Variants in SMC2 observed in about 807,000 individuals in gnomAD.
SMC2 encodes structural maintenance of chromosomes 2.
SMC2 carries 41 observed loss-of-function variants against 142.6 expected under a neutral mutation model. The ratio of observed to expected loss-of-function variants is 0.29; its 90% confidence interval spans 0.22 to 0.37. SMC2 has a LOEUF of 0.37. Among genes scored for constraint, SMC2 ranks in the 10% least tolerant of loss-of-function variants. SMC2 has a pLI of 1.00. For missense variants in SMC2, 1,265 were observed against 1,373.7 expected, an observed-to-expected ratio of 0.92 and a Z score of 1.25; for synonymous variants, 463 against 457.5, an observed-to-expected ratio of 1.01 and a Z score of -0.15.
intron 3 of SMC2, 114 bp downstream of exon 3, chr9:104,096,411 T>G: frequency 1.1e-6 from 1 of 907,348 alleles, no homozygotes; most frequent in Non-Finnish European, 1.7e-6. Context: ...AATTGGTGCC[T>G]TAAATTCTGA....
At chr9:104,090,463 G>GTTTGGGGAAGCGATAAAGAAGTTTGTTC (rs1446382716), upstream of SMC2, among the ~76,000 whole-genome samples, 1 of 152,020 alleles carries the variant, frequency 6.6e-6, no homozygotes, top group Non-Finnish European at 1.5e-5. Flanking sequence ...CAATCTACTA[G>GTTTGGGGAAGCGATAAAGAAGTTTGTTC]TTTGGGGAAG....
Position 104,118,386 on chromosome 9 carries a change from T to C in SMC2, c.1996+11T>C. Reference sequence around the variant, plus strand: ...GGACATTGAGTGGAGGTAAGTTTTATATCCTTTTCTCCTCACAATTCTTTG... The same window carrying C: ...GGACATTGAGTGGAGGTAAGTTTTACATCCTTTTCTCCTCACAATTCTTTG... On this transcript the variant is annotated intron_variant, in intron 15 of 24. Coordinates refer to ENST00000374793, the MANE Select transcript of SMC2 (RefSeq NM_006444.3). The C allele has an allele frequency of 6.2e-7, 1 of 1,603,218 alleles. No individual in the cohort carries two copies. The highest frequency in any genetic ancestry group is 1.1e-5 in the South Asian group (1 of 90,136).
At chr9:104,089,508 AG>A (rs1346019676), upstream of SMC2, among the ~76,000 whole-genome samples, 5 of 152,170 alleles carry the variant, frequency 3.3e-5, 1 homozygote, top group African/African-American at 7.2e-5. Flanking sequence ...CCATAAAAGA[AG>A]GGGTATGACA....
chr9:104,102,119 G>T lies in SMC2; in HGVS notation c.796G>T (p.Glu266Ter). The T allele has an allele frequency of 6.3e-7, 1 of 1,599,912 alleles. No homozygotes were observed. Among genetic ancestry groups the T allele is most frequent in the Non-Finnish European group, 8.6e-7 (1 of 1,168,494 alleles). Reference sequence around the variant, plus strand: ...AGATAAAGTTATAAAGCTTCAGGAAGAATTGTCTGAGAATGATAAAAAAAT... The same window carrying T: ...AGATAAAGTTATAAAGCTTCAGGAATAATTGTCTGAGAATGATAAAAAAAT... The part of the protein sequence containing the change: ...MQDKVIKLQE[E>*]LSENDKKIKA... The change falls in exon 8 of 25, where the codon GAA becomes TAA. Residue 266 changes from glutamate (E) to a stop codon, truncating the protein, a stop_gained. Transcript: ENST00000374793. LOFTEE classifies it high-confidence loss of function.
intron 20 of SMC2, among the ~76,000 whole-genome samples, chr9:104,129,230 C>A (rs546571855): frequency 8.7e-4 from 132 of 152,170 alleles, no homozygotes; most frequent in African/African-American, 2.9e-3. Flanking sequence ...CGCCTAGGCA[C>A]GGTGGCTCAC....
At chr9:104,093,228 G>A (rs1830085879), upstream of SMC2, among the ~76,000 whole-genome samples, 1 of 152,116 alleles carries the variant, frequency 6.6e-6, no homozygotes, top group Non-Finnish European at 1.5e-5. Flanking sequence ...CCCATTCGGA[G>A]TTAAGCCCTT....
intron 23 of SMC2, among the ~76,000 whole-genome samples, chr9:104,135,401 G>C (rs1835420490): frequency 6.6e-6 from 1 of 152,072 alleles, no homozygotes; most frequent in Non-Finnish European, 1.5e-5. Context: ...AACAGAATCT[G>C]TTCAAGCTAC....
At chr9:104,118,983 T>G (rs1358883905) in intron 15 of SMC2, among the ~76,000 whole-genome samples, 1 of 152,108 alleles carries the variant, frequency 6.6e-6, no homozygotes, top group African/African-American at 2.4e-5. Context: ...AGATACAGAG[T>G]GCTTAAATAA....
chr9:104,108,986 A>C (rs935420158), intron 9 of SMC2, among the ~76,000 whole-genome samples: 3 of 152,194 alleles, frequency 2.0e-5, no homozygotes, highest in African/African-American at 7.2e-5. Flanking sequence ...GAACTGAAAT[A>C]GAGTATGGAT....
intron 9 of SMC2, among the ~76,000 whole-genome samples, chr9:104,107,374 C>G (rs1051493991): frequency 3.9e-5 from 6 of 152,274 alleles, no homozygotes; most frequent in Admixed American, 6.5e-5. Flanking sequence ...TCCCCAGTGA[C>G]AAGTTTCTGT....
intron 13 of SMC2, 79 bp downstream of exon 13, chr9:104,114,908 T>A: frequency 8.0e-7 from 1 of 1,254,348 alleles, no homozygotes; most frequent in Non-Finnish European, 1.1e-6. Flanking sequence ...ATTAAATACT[T>A]TGATGTTTTA....
At chr9:104,120,981 G>A (rs565573896) in intron 16 of SMC2, among the ~76,000 whole-genome samples, 5 of 146,402 alleles carry the variant, frequency 3.4e-5, no homozygotes, top group South Asian at 4.2e-4. Context: ...AAGTAAATCA[G>A]GAAAGGAGAT....
rs1003362445 is a variant in SMC2 at position 104,127,497 on chromosome 9, A to G, written c.2790+17A>G. ...GCTGCAAAGGTATACGTTTGTGTGC[A>G]TTTTTTATACTAAATCAAATTTTTG... On this transcript the variant is annotated intron_variant, in intron 20 of 24. Transcript: ENST00000374793. 3 of 1,498,746 alleles carry G rather than the reference A, an allele frequency of 2.0e-6. No homozygotes were observed. The highest frequency in any genetic ancestry group is 2.8e-5 in the African/African-American group (2 of 71,492). 92.8% of individuals were successfully genotyped at this position (1,498,746 alleles called of 1,614,324 possible). A position where few individuals can be genotyped will look rare whatever the true frequency, so the allele number is the denominator to read the frequency against.
rs765889354 is a variant in SMC2, at chr9:104,111,564, T to C, written c.1021-17T>C. 1 of 1,556,752 alleles carries C rather than the reference T, an allele frequency of 6.4e-7. No homozygotes were observed. Among genetic ancestry groups the C allele is most frequent in the Non-Finnish European group, 8.8e-7 (1 of 1,134,724 alleles). On this transcript the variant is annotated splice_polypyrimidine_tract_variant and intron_variant, in intron 9 of 24. Transcript: ENST00000374793. ...TCCTGAAATATAATATTTTTCCATT[T>C]GAAACTCTTCCTAAAGGACTCAAAA...
chr9:104,095,596 G>A, intron 2 of SMC2, 44 bp downstream of exon 2: 4 of 1,510,648 alleles, frequency 2.6e-6, no homozygotes, highest in Non-Finnish European at 3.7e-6. Context: ...AAGTTGGCAG[G>A]AGAATCCTCA....
At chr9:104,115,686 A>T (rs1167141340) in intron 13 of SMC2, among the ~76,000 whole-genome samples, 4 of 152,286 alleles carry the variant, frequency 2.6e-5, no homozygotes, top group South Asian at 4.1e-4. Context: ...TTCACCTTCC[A>T]TAGTTACCTT....
intron 9 of SMC2, among the ~76,000 whole-genome samples, chr9:104,104,778 A>T (rs1831558971): frequency 6.6e-6 from 1 of 152,166 alleles, no homozygotes; most frequent in Non-Finnish European, 1.5e-5. Flanking sequence ...AAGGAGAAGG[A>T]GGTTTGTCTT....
chr9:104,118,963 G>T (rs1833427485), intron 15 of SMC2, among the ~76,000 whole-genome samples: 1 of 152,164 alleles, frequency 6.6e-6, no homozygotes, highest in Non-Finnish European at 1.5e-5. Flanking sequence ...ATATACAGTT[G>T]CAGAAATGAA....
In SMC2 at chr9:104,139,425, A is replaced by G; in HGVS notation, c.*110A>G. On this transcript the variant is annotated 3_prime_UTR_variant, in exon 25 of 25. Transcript: ENST00000374793. Reference sequence around the variant, plus strand: ...AAAATTAATGTTACTGTGTTACTTAACCCATGTTTTCTCTTTATATAATCA... The same window carrying G: ...AAAATTAATGTTACTGTGTTACTTAGCCCATGTTTTCTCTTTATATAATCA... 1.2e-6 allele frequency: 1 copy of G among 842,058 alleles called. No homozygotes were observed. Among genetic ancestry groups the G allele is most frequent in the East Asian group, 3.1e-5 (1 of 32,560 alleles). The allele number at this position is 842,058 out of a possible 1,614,324, so 52.2% of individuals were successfully genotyped here.
Sources: allele counts gnomAD v4.1 joint callset (sites outside exome capture counted in the v4.1 genomes callset), GRCh38; gene constraint gnomAD v4.1.1; transcripts MANE v1.5; gene names NCBI Gene and HGNC (gene_info 2026-07-23, HGNC 2026-07-21).